CD8B2: variants seen among roughly 807,000 people sequenced by gnomAD.
The protein encoded by CD8B2 is T-cell surface glycoprotein CD8 beta-2 chain.
CD8B2 carries 11 observed loss-of-function variants against 23.7 expected under a neutral mutation model. The ratio of observed to expected loss-of-function variants is 0.46; its 90% CI spans 0.29 to 0.77. The LOEUF is 0.77. CD8B2 is among the 30% of genes least tolerant of loss of function. The pLI is 0.09. For missense variants in CD8B2, 197 were observed against 270.5 expected, an observed-to-expected ratio of 0.73 and a Z score of 1.91; for synonymous variants, 90 against 109.3, an observed-to-expected ratio of 0.82 and a Z score of 1.10.
intron 5 of CD8B2, among the ~76,000 whole-genome samples, chr2:106,506,204 C>T (rs975501743): frequency 6.6e-6 from 1 of 152,078 alleles, no homozygotes; most frequent in African/African-American, 2.4e-5. Flanking sequence ...GTAAGTCCCT[C>T]TCTGGTACTA....
chr2:106,497,476 T>C (rs1349123008), intron 3 of CD8B2, among the ~76,000 whole-genome samples: 1 of 152,082 alleles, frequency 6.6e-6, no homozygotes, highest in African/African-American at 2.4e-5. Flanking sequence ...AGCCCAAACG[T>C]GTTTCTGGAA....
chr2:106,491,318 G>A (rs1679192417), intron 2 of CD8B2, 85 bp downstream of exon 2: 2 of 1,221,566 alleles, frequency 1.6e-6, no homozygotes, highest in Non-Finnish European at 2.4e-6. Flanking sequence ...GCTTCAGTGT[G>A]CCCCTGTCTG....
chr2:106,488,815 C>T (rs1370949021), intron 1 of CD8B2, among the ~76,000 whole-genome samples: 1 of 151,524 alleles, frequency 6.6e-6, no homozygotes, highest in East Asian at 2.0e-4. Flanking sequence ...CCATGCCAGG[C>T]ACAGCTCAAT....
chr2:106,539,489 C>T (rs535566750), intron 5 of CD8B2, among the ~76,000 whole-genome samples: 20 of 152,218 alleles, frequency 1.3e-4, no homozygotes, highest in South Asian at 1.2e-3. Flanking sequence ...ACCATGTGTG[C>T]GGTGTGCTCA....
intron 2 of CD8B2, among the ~76,000 whole-genome samples, chr2:106,495,553 T>A (rs1679282976): frequency 2.0e-5 from 3 of 151,952 alleles, no homozygotes; most frequent in South Asian, 4.2e-4. Context: ...AATAAATAAA[T>A]AAAAAAATAA....
intron 5 of CD8B2, among the ~76,000 whole-genome samples, chr2:106,542,311 G>A (rs1680186804): frequency 6.6e-6 from 1 of 152,158 alleles, no homozygotes; most frequent in Admixed American, 6.5e-5. Flanking sequence ...GACTTCTCTT[G>A]CCATCTTTGG....
chr2:106,534,887 T>C (rs1449352374), intron 5 of CD8B2, among the ~76,000 whole-genome samples: 1 of 152,180 alleles, frequency 6.6e-6, no homozygotes, highest in Non-Finnish European at 1.5e-5. Flanking sequence ...TGTGAGATCT[T>C]GGCTCACTGC....
At chr2:106,502,417 G>A (rs985408977) in intron 3 of CD8B2, 57 bp from the exon 4 acceptor site, 86 of 1,017,030 alleles carry the variant, frequency 8.5e-5, no homozygotes, top group Non-Finnish European at 1.0e-4. Flanking sequence ...ATTTTTCTGC[G>A]TGTCTCACGC....
At chr2:106,539,967 ATTG>A (rs1680147336) in intron 5 of CD8B2, among the ~76,000 whole-genome samples, 1 of 152,132 alleles carries the variant, frequency 6.6e-6, no homozygotes, top group Non-Finnish European at 1.5e-5. Context: ...ATTTTGGTTT[ATTG>A]TTATTCTTGT....
chr2:106,494,740 C>T (rs1679266518), intron 2 of CD8B2, among the ~76,000 whole-genome samples: 1 of 152,162 alleles, frequency 6.6e-6, no homozygotes, highest in Non-Finnish European at 1.5e-5. Flanking sequence ...AGAGGGGTGA[C>T]CCATCCAGGA....
At chr2:106,517,563 A>G (rs2104566633) in intron 5 of CD8B2, among the ~76,000 whole-genome samples, 1 of 150,690 alleles carries the variant, frequency 6.6e-6, no homozygotes, top group Non-Finnish European at 1.5e-5. Context: ...TGAGCCCCCA[A>G]CTCCCCACAG....
chr2:106,524,407 G>T (rs1573347316), intron 5 of CD8B2, among the ~76,000 whole-genome samples: 1 of 152,226 alleles, frequency 6.6e-6, no homozygotes, highest in Non-Finnish European at 1.5e-5. Flanking sequence ...CCTAAGGCAG[G>T]CCTCTCCTTC....
intron 5 of CD8B2, chr2:106,543,240 G>A (rs2104579479): frequency 6.6e-6 from 1 of 152,340 alleles, no homozygotes; most frequent in African/African-American, 2.4e-5. Context: ...TAAAATATCA[G>A]GCTTGGCGGA....
At chr2:106,504,926 C>A (rs1242850547) in intron 5 of CD8B2, among the ~76,000 whole-genome samples, 2 of 152,196 alleles carry the variant, frequency 1.3e-5, no homozygotes, top group Non-Finnish European at 2.9e-5. Context: ...CTAGGAGCTG[C>A]CTTTGTCCCA....
chr2:106,519,639 G>T (rs1346390632), intron 5 of CD8B2, among the ~76,000 whole-genome samples: 2 of 152,166 alleles, frequency 1.3e-5, no homozygotes, highest in African/African-American at 4.8e-5. Context: ...ACACATGCAG[G>T]CCCAGAGAGC....
At chr2:106,494,627 A>G (rs2104552123) in intron 2 of CD8B2, among the ~76,000 whole-genome samples, 1 of 152,086 alleles carries the variant, frequency 6.6e-6, no homozygotes, top group African/African-American at 2.4e-5. Flanking sequence ...TGCCCCCTTC[A>G]TCCCCAGTAG....
intron 5 of CD8B2, chr2:106,535,221 A>T (rs928109370): frequency 5.3e-5 from 8 of 152,162 alleles, no homozygotes; most frequent in African/African-American, 1.9e-4. Flanking sequence ...TCACAGTCCC[A>T]GATGTTTCTC....
In CD8B2 at chr2:106,510,763, G is replaced by A. The variant is rs774843398; in HGVS notation, c.*3823G>A. On this transcript the variant is annotated 3_prime_UTR_variant, in exon 6 of 6. Transcript: ENST00000643224. ...AAATTTTTTCTAAAAAAAGTTTCTT[G>A]TTTTTTTTTCTTCCCATATTTTTTA... 6.6e-5 allele frequency: 10 copies of A among 150,642 alleles called. No individual in the cohort carries two copies. Among genetic ancestry groups the A allele is most frequent in the Admixed American group, 2.7e-4 (4 of 15,084 alleles). The allele number at this position is 150,642 out of a possible 1,614,324, so 9.3% of individuals were successfully genotyped here.
At chr2:106,495,494 G>A (rs111509820) in intron 2 of CD8B2, among the ~76,000 whole-genome samples, 2,740 of 152,212 alleles carry the variant, frequency 0.018, 62 homozygotes, top group African/African-American at 0.053. Context: ...AGCCGAGATC[G>A]TGCCACTGCC....
Sources: allele counts gnomAD v4.1 joint callset (sites outside exome capture counted in the v4.1 genomes callset), GRCh38; gene constraint gnomAD v4.1.1; transcripts MANE v1.5; gene names NCBI Gene and HGNC (gene_info 2026-07-23, HGNC 2026-07-21).